CDC20B: variants seen among roughly 807,000 people sequenced by gnomAD.
CDC20B encodes the protein cell division cycle 20B.
Under a neutral mutation model 64.1 loss-of-function variants are expected in CDC20B, and 58 were observed. The ratio of observed to expected loss-of-function variants is 0.90; its 90% CI spans 0.73 to 1.13. The LOEUF (loss-of-function observed/expected upper bound fraction) is 1.13, where lower values mean the gene tolerates loss of function less well. CDC20B is among the 50% of genes most tolerant of loss of function. CDC20B has a pLI of 0.00. For synonymous variants in CDC20B, 243 were observed against 230.6 expected (o/e 1.05, Z -0.49); for missense variants, 597 against 633.0 (o/e 0.94, Z 0.61).
intron 7 of CDC20B, among the ~76,000 whole-genome samples, chr5:55,127,761 A>T (rs1486621999): frequency 6.6e-6 from 1 of 152,150 alleles, no homozygotes; most frequent in Non-Finnish European, 1.5e-5. Context: ...CAGTAATTCC[A>T]CTTACTGCTA....
At chr5:55,146,296 G>T (rs1501829) in intron 3 of CDC20B, among the ~76,000 whole-genome samples, 5 of 152,150 alleles carry the variant, frequency 3.3e-5, no homozygotes, top group African/African-American at 1.2e-4. Context: ...CGGCTCCTAC[G>T]CACTTCCAAT....
At chr5:55,137,180 A>G in intron 5 of CDC20B, 1 of 155,332 alleles carries the variant, frequency 6.4e-6, no homozygotes, top group South Asian at 1.9e-4. Flanking sequence ...CTGTCTCAAA[A>G]AAAAAAAAAA....
chr5:55,172,412 A>C, intron 2 of CDC20B, 176 bp downstream of exon 2: 2 of 577,338 alleles, frequency 3.5e-6, no homozygotes, highest in South Asian at 4.2e-5. Context: ...AAACGATTGC[A>C]TTATTTGTCT....
chr5:55,150,849 G>A (rs1383393748), intron 2 of CDC20B, among the ~76,000 whole-genome samples: 2 of 152,020 alleles, frequency 1.3e-5, no homozygotes, highest in Non-Finnish European at 2.9e-5. Context: ...GAGCTCAAGC[G>A]ATCCTCCTGC....
chr5:55,133,599 A>C (rs1308374580), intron 5 of CDC20B, 71 bp from the exon 6 acceptor site: 2 of 667,548 alleles, frequency 3.0e-6, no homozygotes, highest in Non-Finnish European at 4.7e-6. Context: ...GTGGGAATTA[A>C]GAAATAACAT....
At chr5:55,127,553 G>A (rs188109429) in intron 7 of CDC20B, among the ~76,000 whole-genome samples, 3 of 152,326 alleles carry the variant, frequency 2.0e-5, no homozygotes, top group East Asian at 1.9e-4. Context: ...TGCTGATTTA[G>A]TTGGTAGAGT....
intron 9 of CDC20B, 103 bp downstream of exon 9, chr5:55,124,698 AAG>A (rs763785673): frequency 3.3e-5 from 33 of 998,542 alleles, no homozygotes; most frequent in Non-Finnish European, 4.5e-5. Flanking sequence ...ATTCTAGAGA[AAG>A]AAAAATCTCA....
At chr5:55,120,853 T>C (rs893618728) in intron 9 of CDC20B, among the ~76,000 whole-genome samples, 13 of 152,224 alleles carry the variant, frequency 8.5e-5, no homozygotes, top group Admixed American at 6.5e-5. Context: ...ATGCAATACA[T>C]CCTATGGGGC....
chr5:55,172,748 ACTTTT>A (rs1744645172), intron 1 of CDC20B, 98 bp from the exon 2 acceptor site: 2 of 714,798 alleles, frequency 2.8e-6, no homozygotes, highest in Admixed American at 4.1e-5. Flanking sequence ...GTCAGATTAC[ACTTTT>A]TTTTTTTTTT....
At chr5:55,140,232 A>T in intron 5 of CDC20B, 82 bp downstream of exon 5, 1 of 714,498 alleles carries the variant, frequency 1.4e-6, no homozygotes, top group Non-Finnish European at 2.2e-6. Flanking sequence ...TATTAAAAAT[A>T]ATATATTTTA....
Position 55,156,632 on chromosome 5 carries a change from TTG to T in CDC20B, c.127-9778_127-9777del, listed in dbSNP as rs200897647. Among the ~76,000 whole-genome samples the T allele has an allele frequency of 8.1e-3, 1,228 of 152,256 alleles. 16 individuals are homozygous for T. Among genetic ancestry groups the T allele is most frequent in the African/African-American group, 0.028 (1,152 of 41,536 alleles). ...GGCTCATGCCTGTAATCCCAGCACT[TTG>T]TGAGGCCGAGGCGGGCAGCTCACGA... On this transcript the variant is annotated intron_variant, in intron 2 of 11. Transcript: ENST00000381375.
chr5:55,115,454 T>C (rs1742600173), intron 11 of CDC20B, among the ~76,000 whole-genome samples: 1 of 152,214 alleles, frequency 6.6e-6, no homozygotes, highest in Non-Finnish European at 1.5e-5. Context: ...GTTCTTTTAA[T>C]TTGAGCATCT....
At chr5:55,137,281 T>C in intron 5 of CDC20B, 1 of 288,272 alleles carries the variant, frequency 3.5e-6, no homozygotes. Context: ...ACTGCATGGC[T>C]ACAGAGCTTC....
chr5:55,113,990 G>A lies in CDC20B; in HGVS notation c.*228C>T, dbSNP rs1742566223. 1 of 609,188 alleles carries A rather than the reference G, an allele frequency of 1.6e-6. No homozygotes were observed. The highest frequency in any genetic ancestry group is 2.6e-6 in the Non-Finnish European group (1 of 386,966). 37.7% of individuals were successfully genotyped at this position (609,188 alleles called of 1,614,324 possible). On this transcript the variant is annotated 3_prime_UTR_variant, in exon 12 of 12. Transcript: ENST00000381375. Reference sequence around the variant, plus strand: ...GGTAAGAATGGGAGGAAGAAGAGGAGGGGGAGGAAGAGGGGCAGAAAGAAG... The same window carrying A: ...GGTAAGAATGGGAGGAAGAAGAGGAAGGGGAGGAAGAGGGGCAGAAAGAAG...
intron 1 of CDC20B, 124 bp downstream of exon 1, chr5:55,172,814 A>C: frequency 1.0e-6 from 1 of 989,642 alleles, no homozygotes; most frequent in Non-Finnish European, 1.5e-6. Context: ...AAATTACATC[A>C]CTCAAATTTA....
chr5:55,172,634 A>G lies in CDC20B; in HGVS notation c.80T>C (p.Val27Ala). 1.2e-6 allele frequency: 2 copies of G among 1,612,798 alleles called. No individual in the cohort carries two copies. The highest frequency in any genetic ancestry group is 2.2e-5 in the South Asian group (2 of 91,058). Residue 27 changes from valine to alanine, a missense_variant, in exon 2 of 12, where the codon GTG (valine) becomes GCG (alanine). Coordinates refer to ENST00000381375, the MANE Select transcript of CDC20B (RefSeq NM_001170402.1). ...CTTCTGCTTCAAGTCTTTGGAGAGC[A>G]CACGCATGATACTTTCCTTTGAAAA... ...EEMLWESIMR[V>A]LSKDLKQKRS...
intron 5 of CDC20B, among the ~76,000 whole-genome samples, chr5:55,136,293 T>G (rs1252233066): frequency 1.3e-5 from 2 of 150,710 alleles, no homozygotes; most frequent in African/African-American, 4.9e-5. Context: ...GGTGCAGTGG[T>G]TCACACCTGT....
At chr5:55,118,555 C>T (rs762286789) in intron 11 of CDC20B, among the ~76,000 whole-genome samples, 15 of 152,180 alleles carry the variant, frequency 9.9e-5, no homozygotes, top group Middle Eastern at 3.2e-3. Context: ...GAAGGCCATA[C>T]CTAGCTGCTG....
Position 55,153,240 on chromosome 5 carries a change from T to TAAA in CDC20B, c.127-6387_127-6385dup, listed in dbSNP as rs1206577177. Among the ~76,000 whole-genome samples, 151 of 87,508 alleles carry TAAA rather than the reference T, an allele frequency of 1.7e-3. 6 individuals are homozygous for TAAA. Among genetic ancestry groups the TAAA allele is most frequent in the African/African-American group, 6.0e-3 (116 of 19,202 alleles). 57.4% of individuals were successfully genotyped at this position (87,508 alleles called of 152,430 possible). On this transcript the variant is annotated intron_variant, in intron 2 of 11. Coordinates refer to ENST00000381375, the MANE Select transcript of CDC20B (RefSeq NM_001170402.1). The stretch of plus-strand genomic sequence containing the variant: ...GGCGATATAGCCAGACCTTGTCTCA[T>TAAA]AAAAAAAAAAAAAAAAAAAAAAAGA...
Sources: allele counts gnomAD v4.1 joint callset (sites outside exome capture counted in the v4.1 genomes callset), GRCh38; gene constraint gnomAD v4.1.1; transcripts MANE v1.5; gene names NCBI Gene and HGNC (gene_info 2026-07-23, HGNC 2026-07-21).